The following SNX31 variants were observed in gnomAD, a reference collection of about 807,000 sequenced individuals.
The protein encoded by SNX31 is sorting nexin 31, also known as sorting nexin-31.
SNX31 carries 58 observed loss-of-function variants against 65.4 expected under a neutral mutation model. The observed-to-expected ratio is 0.89, with a 90% CI of 0.72 to 1.10. SNX31 has a LOEUF of 1.10. SNX31 is among the 50% of genes least tolerant of loss of function. SNX31 has a pLI of 0.00. For missense variants in SNX31, 523 were observed against 529.7 expected (o/e 0.99, Z 0.12); for synonymous variants, 181 against 190.1 (o/e 0.95, Z 0.39).
Position 100,630,804 on chromosome 8 carries a change from C to T in SNX31, c.257-413G>A, listed in dbSNP as rs1236337944. Among the ~76,000 whole-genome samples, 1 of 152,148 alleles carries T rather than the reference C, an allele frequency of 6.6e-6. No individual in the cohort carries two copies. The highest frequency in any genetic ancestry group is 2.4e-5 in the African/African-American group (1 of 41,452). On this transcript the variant is annotated intron_variant, in intron 3 of 13. Transcript: ENST00000311812. The surrounding 1 kb of genome is among the most constrained non-coding windows in gnomAD (Gnocchi z 5.3). Reference sequence around the variant, plus strand: ...AACCAAGAAACATCAACTGAGAGCACCTCTTTGGAGTCTCGCCCAGTCGCC... The same window carrying T: ...AACCAAGAAACATCAACTGAGAGCATCTCTTTGGAGTCTCGCCCAGTCGCC...
chr8:100,588,836 G>A lies in SNX31; in HGVS notation c.1092+30C>T, dbSNP rs1814297624. On this transcript the variant is annotated intron_variant, in intron 11 of 13. Coordinates refer to ENST00000311812, the MANE Select transcript of SNX31 (RefSeq NM_152628.4). This position sits in a 1 kb window ranked among gnomAD's most constrained non-coding sequence, Gnocchi z 4.8. ...AAGCAAGACAGCATTTCAGCACAGAGGGTGTTCAAGGTCTGCCCTGAGAAC... is the reference window on the plus strand; with the variant it reads ...AAGCAAGACAGCATTTCAGCACAGAAGGTGTTCAAGGTCTGCCCTGAGAAC... The A allele has an allele frequency of 6.7e-7, 1 of 1,499,484 alleles. No homozygotes were observed. Among genetic ancestry groups the A allele is most frequent in the Non-Finnish European group, 9.3e-7 (1 of 1,076,816 alleles). 92.9% of individuals were successfully genotyped at this position (1,499,484 alleles called of 1,614,324 possible). A position where few individuals can be genotyped will look rare whatever the true frequency, so the allele number is the denominator to read the frequency against.
At chr8:100,596,512 G>C in intron 10 of SNX31, 127 bp downstream of exon 10, 2 of 732,664 alleles carry the variant, frequency 2.7e-6, no homozygotes, top group Non-Finnish European at 4.7e-6. Context: ...TATTTAATGT[G>C]GCTTAGATGT....
intron 2 of SNX31, among the ~76,000 whole-genome samples, chr8:100,636,409 G>A (rs1427753792): frequency 2.6e-5 from 4 of 152,188 alleles, no homozygotes; most frequent in Admixed American, 6.6e-5. Context: ...ATCTGAACTT[G>A]ACAAATGCTT....
At chr8:100,649,412 CCCTCCCTGCCCA>C in intron 1 of SNX31, 25 bp downstream of exon 1, 1 of 1,588,090 alleles carries the variant, frequency 6.3e-7, no homozygotes, top group Non-Finnish European at 8.6e-7. Context: ...GCCACCGGCC[CCCTCCCTGCCCA>C]CCCTGACCCC....
At chr8:100,598,456 C>T (rs554373911) in intron 9 of SNX31, among the ~76,000 whole-genome samples, 1 of 152,248 alleles carries the variant, frequency 6.6e-6, no homozygotes, top group East Asian at 1.9e-4. Flanking sequence ...TTGTAATAAT[C>T]TCTTGGCTGC....
At chr8:100,618,361 A>C (rs1433195361) in intron 4 of SNX31, 1 of 1,533,982 alleles carries the variant, frequency 6.5e-7, no homozygotes, top group Admixed American at 2.0e-5. Context: ...GCATCCCTAA[A>C]GCCCATATCC....
chr8:100,632,971 A>T (rs1032975380), intron 3 of SNX31, among the ~76,000 whole-genome samples: 3 of 152,074 alleles, frequency 2.0e-5, no homozygotes, highest in African/African-American at 7.2e-5. Flanking sequence ...GTTGCCCAGC[A>T]TGGAGTGCAG....
intron 10 of SNX31, among the ~76,000 whole-genome samples, chr8:100,592,285 A>G (rs1393811889): frequency 6.6e-6 from 1 of 152,226 alleles, no homozygotes; most frequent in Non-Finnish European, 1.5e-5. Context: ...CACTAGAAGT[A>G]AAAATGCACT....
At chr8:100,611,819 G>C (rs1586944141) in intron 7 of SNX31, among the ~76,000 whole-genome samples, 181 bp downstream of exon 7, 2 of 152,218 alleles carry the variant, frequency 1.3e-5, no homozygotes, top group South Asian at 2.1e-4. Context: ...GTCTCCCAAG[G>C]TACTGGGATT....
In SNX31 at chr8:100,630,021, A is replaced by G. The variant is rs940303973; in HGVS notation, c.321+306T>C. On this transcript the variant is annotated intron_variant, in intron 4 of 13. Transcript: ENST00000311812. This position sits in a 1 kb window ranked among gnomAD's most constrained non-coding sequence, Gnocchi z 5.3. Reference sequence around the variant, plus strand: ...ATAAAGGCTGTAGTTCTTGTACTGTACTTGAAGGTCCTCTTCTTCATGTCC... The same window carrying G: ...ATAAAGGCTGTAGTTCTTGTACTGTGCTTGAAGGTCCTCTTCTTCATGTCC... Among the ~76,000 whole-genome samples, 2 of 152,220 alleles carry G rather than the reference A, an allele frequency of 1.3e-5. No individual in the cohort carries two copies. The highest frequency in any genetic ancestry group is 4.8e-5 in the African/African-American group (2 of 41,462).
chr8:100,654,404 A>G (rs771568822), upstream of SNX31, among the ~76,000 whole-genome samples: 19 of 152,220 alleles, frequency 1.2e-4, no homozygotes, highest in South Asian at 2.1e-4. Flanking sequence ...GTAAGAGAAG[A>G]GTCAGGATTC....
chr8:100,638,998 C>A (rs62513893), intron 2 of SNX31, among the ~76,000 whole-genome samples: 1 of 151,968 alleles, frequency 6.6e-6, no homozygotes, highest in African/African-American at 2.4e-5. Context: ...TCTGGAAAAG[C>A]CAAAAGTATA....
chr8:100,612,648 G>A lies in SNX31; in HGVS notation c.523+347C>T, dbSNP rs1479787450. Reference sequence around the variant, plus strand: ...CTTAACAAGGAGAAATGATGCTGTGGTGGGGCGTCCTGACCCCTGGAGTCT... The same window carrying A: ...CTTAACAAGGAGAAATGATGCTGTGATGGGGCGTCCTGACCCCTGGAGTCT... On this transcript the variant is annotated intron_variant, in intron 6 of 13. Coordinates refer to ENST00000311812, the MANE Select transcript of SNX31 (RefSeq NM_152628.4). The surrounding 1 kb of genome is among the most constrained non-coding windows in gnomAD (Gnocchi z 4.3). Among the ~76,000 whole-genome samples, 2 of 152,164 alleles carry A rather than the reference G, an allele frequency of 1.3e-5. No individual in the cohort carries two copies. The highest frequency in any genetic ancestry group is 1.3e-4 in the Admixed American group (2 of 15,278).
chr8:100,583,704 T>A (rs1301972499), intron 12 of SNX31, among the ~76,000 whole-genome samples: 2 of 152,196 alleles, frequency 1.3e-5, no homozygotes, highest in Non-Finnish European at 2.9e-5. Flanking sequence ...ATCAAGAAGC[T>A]ATGGATTCTT....
Position 100,613,133 on chromosome 8 carries a change from A to G in SNX31, c.433-48T>C. The G allele has an allele frequency of 6.9e-7, 1 of 1,444,608 alleles. No individual in the cohort carries two copies. The highest frequency in any genetic ancestry group is 9.7e-7 in the Non-Finnish European group (1 of 1,026,418). The allele number at this position is 1,444,608 out of a possible 1,614,324, so 89.5% of individuals were successfully genotyped here. On this transcript the variant is annotated intron_variant, in intron 5 of 13. Transcript: ENST00000311812. This position sits in a 1 kb window ranked among gnomAD's most constrained non-coding sequence, Gnocchi z 5.2. ...AGGGAAAAAGTTAGGTGTGCCCACCATGCATCCTAACTGTGACATGCAGAC... is the reference window on the plus strand; with the variant it reads ...AGGGAAAAAGTTAGGTGTGCCCACCGTGCATCCTAACTGTGACATGCAGAC...
chr8:100,576,585 T>C lies in SNX31; in HGVS notation c.1227+434A>G, dbSNP rs933797680. On this transcript the variant is annotated intron_variant, in intron 13 of 13. Coordinates refer to ENST00000311812, the MANE Select transcript of SNX31 (RefSeq NM_152628.4). The surrounding 1 kb of genome is among the most constrained non-coding windows in gnomAD (Gnocchi z 4.8). ...AATGAGTGCTCAAAAATGTCATTGA[T>C]TGTGATTTTTTCTATTATTATCTGC... is the stretch of plus-strand genomic sequence containing the variant. Among the ~76,000 whole-genome samples, 1 of 152,216 alleles carries C rather than the reference T, an allele frequency of 6.6e-6. No individual in the cohort carries two copies. Among genetic ancestry groups the C allele is most frequent in the Admixed American group, 6.5e-5 (1 of 15,268 alleles).
intron 1 of SNX31, among the ~76,000 whole-genome samples, chr8:100,661,471 C>T (rs552235316): frequency 6.6e-6 from 1 of 152,224 alleles, no homozygotes; most frequent in Non-Finnish European, 1.5e-5. Context: ...AGTGTTGGCT[C>T]TGATTCAGGT....
chr8:100,586,540 C>T (rs1814066975), intron 11 of SNX31, among the ~76,000 whole-genome samples: 1 of 152,174 alleles, frequency 6.6e-6, no homozygotes, highest in South Asian at 2.1e-4. Context: ...CCGCACTTAG[C>T]ATTCTGAGGT....
chr8:100,591,898 T>C (rs1814622179), intron 10 of SNX31, among the ~76,000 whole-genome samples: 1 of 152,170 alleles, frequency 6.6e-6, no homozygotes, highest in Non-Finnish European at 1.5e-5. Flanking sequence ...AATCTAATGC[T>C]CTTTAAAGGA....
Sources: allele counts gnomAD v4.1 joint callset (sites outside exome capture counted in the v4.1 genomes callset), GRCh38; gene constraint gnomAD v4.1.1; non-coding constraint Gnocchi (gnomAD v3.1); transcripts MANE v1.5; gene names NCBI Gene and HGNC (gene_info 2026-07-23, HGNC 2026-07-21).